CDK19: variants seen among roughly 807,000 people sequenced by gnomAD.
CDK19 encodes the protein cyclin-dependent kinase 19.
Under a neutral mutation model 68.3 loss-of-function variants are expected in CDK19, and 20 were observed. That is an observed-to-expected ratio of 0.29 (90% confidence interval 0.21 to 0.43). CDK19 has a LOEUF of 0.43. Among genes scored for constraint, CDK19 ranks in the 20% least tolerant of loss-of-function variants. CDK19 has a pLI of 1.00. For synonymous variants in CDK19, 221 were observed against 222.8 expected (o/e 0.99, Z 0.07); for missense variants, 339 against 623.5 (o/e 0.54, Z 4.86).
At chr6:110,652,276 T>C (rs1781021901) in intron 4 of CDK19, among the ~76,000 whole-genome samples, 1 of 152,118 alleles carries the variant, frequency 6.6e-6, no homozygotes, top group Admixed American at 6.5e-5. Flanking sequence ...TGCAACATAA[T>C]GAAAGCTGAG....
intron 2 of CDK19, among the ~76,000 whole-genome samples, chr6:110,699,706 C>T (rs913714424): frequency 6.6e-6 from 1 of 152,060 alleles, no homozygotes; most frequent in African/African-American, 2.4e-5. Flanking sequence ...ACTACTTGTA[C>T]CCCACAAGCT....
chr6:110,734,520 G>GCTGTCTCTCT (rs1554214774), intron 2 of CDK19, among the ~76,000 whole-genome samples: 10 of 85,734 alleles, frequency 1.2e-4, no homozygotes, highest in African/African-American at 4.2e-4. Flanking sequence ...GGTGAGCACT[G>GCTGTCTCTCT]CTCTCTCTCT....
intron 2 of CDK19, among the ~76,000 whole-genome samples, chr6:110,729,185 A>G (rs1776564373): frequency 6.6e-6 from 1 of 152,228 alleles, no homozygotes; most frequent in African/African-American, 2.4e-5. Context: ...GAGCTAGGAC[A>G]GGAACCTAAA....
At chr6:110,647,390 G>A (rs1348720014) in intron 4 of CDK19, among the ~76,000 whole-genome samples, 1 of 151,676 alleles carries the variant, frequency 6.6e-6, no homozygotes, top group African/African-American at 2.4e-5. Context: ...GTGAAGGGGG[G>A]TGGGGGGGAG....
rs188827936 is a variant in CDK19 at position 110,664,168 on chromosome 6, T to C, written c.456+3266A>G. Among the ~76,000 whole-genome samples the C allele has an allele frequency of 1.4e-4, 22 of 152,310 alleles. 1 individual carries two copies. The East Asian group carries it at 4.2e-3, about 29-fold the overall frequency. Reference sequence around the variant, plus strand: ...TATCCATATTTGAGCCAACCAGAACTGCACATCCTTTCTGAGATAATCCAA... The same window carrying C: ...TATCCATATTTGAGCCAACCAGAACCGCACATCCTTTCTGAGATAATCCAA... On this transcript the variant is annotated intron_variant, in intron 4 of 12. Coordinates refer to ENST00000368911, the MANE Select transcript of CDK19 (RefSeq NM_015076.5).
chr6:110,646,698 C>T, intron 4 of CDK19: 1 of 444,080 alleles, frequency 2.3e-6, no homozygotes, highest in Admixed American at 3.9e-5. Context: ...TCTGGAATCT[C>T]GTTCATCATC....
chr6:110,746,969 C>T (rs549595873), intron 1 of CDK19, among the ~76,000 whole-genome samples: 1 of 152,166 alleles, frequency 6.6e-6, no homozygotes, highest in Admixed American at 6.5e-5. Flanking sequence ...AGTAAGCATT[C>T]TCAAGGGTGC....
intron 2 of CDK19, among the ~76,000 whole-genome samples, chr6:110,723,101 T>G (rs1776036728): frequency 7.8e-6 from 1 of 128,906 alleles, no homozygotes; most frequent in Admixed American, 9.6e-5. Context: ...TAGAAGGCTG[T>G]GGAAATGACA....
chr6:110,641,184 G>A (rs937933056), intron 4 of CDK19, among the ~76,000 whole-genome samples: 2 of 152,066 alleles, frequency 1.3e-5, no homozygotes, highest in Non-Finnish European at 2.9e-5. Flanking sequence ...TTTATCAAAG[G>A]TCCATTATGT....
At chr6:110,634,838 A>T (rs1779660876) in intron 5 of CDK19, among the ~76,000 whole-genome samples, 1 of 152,200 alleles carries the variant, frequency 6.6e-6, no homozygotes, top group African/African-American at 2.4e-5. Flanking sequence ...AAGTTAGCTA[A>T]AGCCAGTATT....
At chr6:110,790,971 AC>A (rs1781551455) in intron 1 of CDK19, among the ~76,000 whole-genome samples, 1 of 152,150 alleles carries the variant, frequency 6.6e-6, no homozygotes, top group Non-Finnish European at 1.5e-5. Context: ...GGAGTTCAAG[AC>A]CAACCTGGCT....
chr6:110,791,423 T>C (rs1781589187), intron 1 of CDK19, among the ~76,000 whole-genome samples: 2 of 151,990 alleles, frequency 1.3e-5, no homozygotes, highest in South Asian at 4.1e-4. Flanking sequence ...TAGATTTTCT[T>C]TAGGAAAAAA....
intron 2 of CDK19, among the ~76,000 whole-genome samples, chr6:110,685,260 TAC>T (rs1268296849): frequency 2.0e-5 from 3 of 152,214 alleles, no homozygotes; most frequent in Non-Finnish European, 4.4e-5. Flanking sequence ...AACTAGTATA[TAC>T]ACAGGTGCTC....
chr6:110,744,112 T>C (rs1777894502), intron 2 of CDK19, among the ~76,000 whole-genome samples: 1 of 138,736 alleles, frequency 7.2e-6, no homozygotes. Flanking sequence ...GTTCAAGCAA[T>C]TCTCCTGTCT....
intron 2 of CDK19, among the ~76,000 whole-genome samples, chr6:110,697,666 C>T (rs1773596365): frequency 6.6e-6 from 1 of 151,626 alleles, no homozygotes; most frequent in South Asian, 2.1e-4. Flanking sequence ...AAAAGCAATC[C>T]TAAAATTAAT....
chr6:110,704,628 A>G (rs190431780), intron 2 of CDK19, among the ~76,000 whole-genome samples: 2 of 152,352 alleles, frequency 1.3e-5, no homozygotes, highest in East Asian at 3.9e-4. Flanking sequence ...ACTATTTGGT[A>G]AAGTGTAAAG....
At chr6:110,814,572 C>A in intron 1 of CDK19, 1 of 457,560 alleles carries the variant, frequency 2.2e-6, no homozygotes, top group South Asian at 1.5e-5. Flanking sequence ...TTTCAAACCG[C>A]CGCCCCCGCG....
chr6:110,755,748 G>A (rs548114738), intron 1 of CDK19, among the ~76,000 whole-genome samples: 1 of 152,316 alleles, frequency 6.6e-6, no homozygotes, highest in East Asian at 1.9e-4. Flanking sequence ...CACTTTTCCT[G>A]TACTATCGAA....
chr6:110,658,491 ATAAT>A, intron 4 of CDK19, among the ~76,000 whole-genome samples: 1 of 152,346 alleles, frequency 6.6e-6, no homozygotes, highest in East Asian at 1.9e-4. Context: ...AAAATAACAA[ATAAT>A]TAAGTCATTT....
Sources: gnomAD v4.1 joint callset for allele counts (sites outside exome capture counted in the v4.1 genomes callset) on GRCh38, gnomAD v4.1.1 for gene constraint, MANE v1.5 for transcripts, NCBI Gene and HGNC (gene_info 2026-07-23, HGNC 2026-07-21) for gene names.